Variants in ZNF333 observed in about 807,000 individuals in gnomAD.
The protein encoded by ZNF333 is zinc finger protein 333.
Under a neutral mutation model 76.1 loss-of-function variants are expected in ZNF333, and 61 were observed. That is an observed-to-expected ratio of 0.80 (90% confidence interval 0.65 to 0.99). The LOEUF is 0.99. Ranked by LOEUF, ZNF333 falls within the 50% of genes least tolerant of loss-of-function variation. ZNF333 has a pLI of 0.00. For missense variants in ZNF333, 717 were observed against 822.4 expected (o/e 0.87, Z 1.57); for synonymous variants, 284 against 305.0 (o/e 0.93, Z 0.72).
Position 14,715,481 on chromosome 19 carries a change from ACTT to A in ZNF333, c.600+15_600+17del, listed in dbSNP as rs747831015. ...ACCGCCTGTTCACAGGTAGGTAAGA[ACTT>A]CTTGTTCTAAAAGAACACTGCTGTG... On this transcript the variant is annotated intron_variant, in intron 8 of 11. Coordinates refer to ENST00000292530, the MANE Select transcript of ZNF333 (RefSeq NM_032433.4). 5 of 1,612,940 alleles carry A rather than the reference ACTT, an allele frequency of 3.1e-6. No homozygotes were observed. Among genetic ancestry groups the A allele is most frequent in the South Asian group, 1.1e-5 (1 of 90,984 alleles).
At chr19:14,695,732 G>A (rs1160266720) in intron 4 of ZNF333, 71 bp downstream of exon 4, 4 of 1,414,056 alleles carry the variant, frequency 2.8e-6, no homozygotes, top group East Asian at 4.6e-5. Context: ...AGTGTCAAGA[G>A]CATTTTCAAA....
At chr19:14,690,890 T>C (rs3850136) in intron 1 of ZNF333, among the ~76,000 whole-genome samples, 66,619 of 151,906 alleles carry the variant, frequency 0.44, 15,964 homozygotes, top group East Asian at 0.71. Context: ...GTCAGGAGTT[T>C]GAGACCAGCC....
chr19:14,731,494 G>A, exon 12 of ZNF333: 1 of 367,448 alleles, frequency 2.7e-6, no homozygotes. Flanking sequence ...CAGAAAGGGG[G>A]AAAACAGCCA....
At chr19:14,710,775 T>A (rs1223346975) in intron 7 of ZNF333, among the ~76,000 whole-genome samples, 1 of 151,972 alleles carries the variant, frequency 6.6e-6, no homozygotes, top group Admixed American at 6.6e-5. Flanking sequence ...GAGATTTCCT[T>A]CTTAAAAAAT....
In ZNF333 at chr19:14,690,110, T is replaced by C. The variant is rs4808304; in HGVS notation, c.-82T>C. 0.7 allele frequency: 104,905 copies of C among 149,704 alleles called. 37,941 individuals are homozygous for C. Among genetic ancestry groups the C allele is most frequent in the African/African-American group, 0.87 (35,475 of 40,700 alleles). The allele number at this position is 149,704 out of a possible 1,614,324, so 9.3% of individuals were successfully genotyped here. On this transcript the variant is annotated 5_prime_UTR_variant, in exon 1 of 12. Coordinates refer to ENST00000292530, the MANE Select transcript of ZNF333 (RefSeq NM_032433.4). Reference sequence around the variant, plus strand: ...AGCTGTGCTGCGCGGCGCGGCGCGGTGCGGCACGGCACGGTGGGAGTGTCT... The same window carrying C: ...AGCTGTGCTGCGCGGCGCGGCGCGGCGCGGCACGGCACGGTGGGAGTGTCT...
upstream of ZNF333, chr19:14,689,981 C>G (rs1972616979): frequency 6.6e-6 from 1 of 152,368 alleles, no homozygotes; most frequent in South Asian, 2.1e-4. Context: ...CTGCCGCCGC[C>G]TAAGGCTACC....
rs1485346806 is a variant in ZNF333 at position 14,705,089 on chromosome 19, C to T, written c.342C>T (p.Pro114=). ...TGTTCCTGAGGATGCAGCTGGTGCC[C>T]TCCATAGAAGAGAGGGAGACACCAT... ...PGLFLRMQLV[P]SIEERETPLT... Residue 114 remains proline, a synonymous_variant, in exon 6 of 12, where the codon CCC becomes CCT. Transcript: ENST00000292530. The T allele has an allele frequency of 3.1e-6, 5 of 1,614,074 alleles. No homozygotes were observed. Among genetic ancestry groups the T allele is most frequent in the South Asian group, 1.1e-5 (1 of 91,070 alleles).
In ZNF333 at chr19:14,719,208, C is replaced by G. The variant is rs376867404; in HGVS notation, c.1881C>G (p.Phe627Leu). 4.3e-6 allele frequency: 7 copies of G among 1,614,118 alleles called. No individual in the cohort carries two copies. Among genetic ancestry groups the G allele is most frequent in the Non-Finnish European group, 5.9e-6 (7 of 1,180,058 alleles). Residue 627 changes from phenylalanine to leucine, a missense_variant, in exon 12 of 12, where the codon TTC becomes TTG. Physicochemically the swap from Phe to Leu is conservative, Grantham distance 22. Transcript: ENST00000292530. ...PYQCNQCEKA[F>L]RHSSSLTVHK... is the part of the protein sequence containing the mutation. ...AATGTAATCAGTGTGAGAAAGCCTT[C>G]AGGCACAGCTCCTCACTCACTGTAC...
intron 5 of ZNF333, among the ~76,000 whole-genome samples, chr19:14,703,776 A>G (rs2042031455): frequency 6.6e-6 from 1 of 152,056 alleles, no homozygotes; most frequent in South Asian, 2.1e-4. Flanking sequence ...GGCAGGGGAA[A>G]TATTGGCTGG....
Position 14,715,343 on chromosome 19 carries a change from C to G in ZNF333, c.512-39C>G, listed in dbSNP as rs10412557. ...GGGGCCTGTGAGTGTGCCCAGTAGG[C>G]CAGGCACCAACCCTCATGCCTCTTC... On this transcript the variant is annotated intron_variant, in intron 7 of 11. Coordinates refer to ENST00000292530, the MANE Select transcript of ZNF333 (RefSeq NM_032433.4). 11,390 of 1,590,624 alleles carry G rather than the reference C, an allele frequency of 7.2e-3. 504 individuals carry two copies. The African/African-American group carries it at 0.1, about 14-fold the overall frequency.
At chr19:14,704,708 T>G (rs911199543) in intron 5 of ZNF333, among the ~76,000 whole-genome samples, 24 of 152,148 alleles carry the variant, frequency 1.6e-4, no homozygotes, top group African/African-American at 5.8e-4. Flanking sequence ...ACTTACTCAT[T>G]ATCACGAGAA....
At chr19:14,702,679 G>T (rs1225620081) in intron 5 of ZNF333, among the ~76,000 whole-genome samples, 1 of 152,184 alleles carries the variant, frequency 6.6e-6, no homozygotes, top group South Asian at 2.1e-4. Flanking sequence ...TGCTGCATCC[G>T]CAGGGCCTGC....
chr19:14,696,717 C>T (rs73508025), intron 4 of ZNF333, among the ~76,000 whole-genome samples: 5,716 of 148,168 alleles, frequency 0.039, 367 homozygotes, highest in African/African-American at 0.14. Flanking sequence ...GCAGATTCCT[C>T]GTGACCTAAT....
chr19:14,699,174 T>A, intron 4 of ZNF333, 25 bp from the exon 5 acceptor site: 1 of 1,584,684 alleles, frequency 6.3e-7, no homozygotes, highest in Non-Finnish European at 8.7e-7. Context: ...TGAAAGGAGT[T>A]CATTTTTTCT....
At chr19:14,701,402 G>A (rs1275963625) in intron 5 of ZNF333, among the ~76,000 whole-genome samples, 1 of 152,120 alleles carries the variant, frequency 6.6e-6, no homozygotes, top group Non-Finnish European at 1.5e-5. Context: ...ACTACACCTG[G>A]CTGATTTTAA....
Position 14,710,031 on chromosome 19 carries a change from T to G in ZNF333, c.511+3258T>G, listed in dbSNP as rs117569524. Reference sequence around the variant, plus strand: ...GGAACAACATTGATAAAATTCCCCATGGAGCAGAGAACTGGTTGCATCCAG... The same window carrying G: ...GGAACAACATTGATAAAATTCCCCAGGGAGCAGAGAACTGGTTGCATCCAG... On this transcript the variant is annotated intron_variant, in intron 7 of 11. Coordinates refer to ENST00000292530, the MANE Select transcript of ZNF333 (RefSeq NM_032433.4). Among the ~76,000 whole-genome samples, 41 of 152,210 alleles carry G rather than the reference T, an allele frequency of 2.7e-4. No individual in the cohort carries two copies. The East Asian group carries it at 7.3e-3, about 27-fold the overall frequency.
rs1972638821 is a variant in ZNF333, at chr19:14,690,120, C to CACGGT, written c.-71_-67dup. 7.1e-6 allele frequency: 1 copy of CACGGT among 141,184 alleles called. No individual in the cohort carries two copies. The highest frequency in any genetic ancestry group is 1.5e-5 in the Non-Finnish European group (1 of 66,802). The allele number at this position is 141,184 out of a possible 1,614,324, so 8.7% of individuals were successfully genotyped here. On this transcript the variant is annotated 5_prime_UTR_variant, in exon 1 of 12. Coordinates refer to ENST00000292530, the MANE Select transcript of ZNF333 (RefSeq NM_032433.4). The stretch of plus-strand genomic sequence containing the variant: ...CGCGGCGCGGCGCGGTGCGGCACGG[C>CACGGT]ACGGTGGGAGTGTCTCCGGCTGGCT...
chr19:14,707,886 G>T (rs930961180), intron 7 of ZNF333: 1 of 400,080 alleles, frequency 2.5e-6, no homozygotes, highest in Non-Finnish European at 4.4e-6. Context: ...ATCCACTCTT[G>T]TGTCTGGAAT....
At position 14,693,443 on chromosome 19, in the gene ZNF333, T is replaced by C. The variant is rs758655192; in HGVS notation, c.-41-8T>C. ...CCTTCTTTTACCTCAGTGTCTCCTT[T>C]ATTGCAGGGAGAACACCGACTGAGA... On this transcript the variant is annotated splice_polypyrimidine_tract_variant and splice_region_variant and intron_variant, in intron 1 of 11. Coordinates refer to ENST00000292530, the MANE Select transcript of ZNF333 (RefSeq NM_032433.4). 93 of 1,586,370 alleles carry C rather than the reference T, an allele frequency of 5.9e-5. 1 individual carries two copies. In the Middle Eastern group the frequency reaches 6.8e-4, roughly 12 times the overall value.
Sources: gnomAD v4.1 joint callset for allele counts (sites outside exome capture counted in the v4.1 genomes callset) on GRCh38, gnomAD v4.1.1 for gene constraint, MANE v1.5 for transcripts, NCBI Gene and HGNC (gene_info 2026-07-23, HGNC 2026-07-21) for gene names.